Variants in TRPM3 observed in about 807,000 individuals in gnomAD.
The protein encoded by TRPM3 is transient receptor potential cation channel subfamily M member 3, also known as long transient receptor potential channel 3.
A neutral mutation model predicts 181.2 loss-of-function variants in TRPM3; 77 were observed. That is an observed-to-expected ratio of 0.42 (90% CI 0.35 to 0.51). The LOEUF is 0.51. TRPM3 is among the 20% of genes least tolerant of loss of function. The pLI, the probability that TRPM3 is intolerant of heterozygous loss-of-function variation, is 0.01. For synonymous variants in TRPM3, 745 were observed against 796.4 expected (o/e 0.94, Z 1.09); for missense variants, 1,759 against 2,196.7 (o/e 0.80, Z 3.98).
At chr9:71,387,345 A>G (rs1277522374) in intron 1 of TRPM3, among the ~76,000 whole-genome samples, 1 of 152,184 alleles carries the variant, frequency 6.6e-6, no homozygotes, top group African/African-American at 2.4e-5. Flanking sequence ...TTAATTTTAT[A>G]GCAGCAAATC....
intron 22 of TRPM3, among the ~76,000 whole-genome samples, chr9:70,565,291 T>A (rs1289069558): frequency 1.3e-5 from 2 of 152,180 alleles, no homozygotes; most frequent in Non-Finnish European, 2.9e-5. Context: ...TTTATCTGTT[T>A]TTATTTTTAT....
Position 71,225,522 on chromosome 9 carries a change from T to C in TRPM3, c.183+221131A>G, listed in dbSNP as rs572927187. Among the ~76,000 whole-genome samples the C allele has an allele frequency of 2.6e-5, 4 of 151,928 alleles. No individual in the cohort carries two copies. In the South Asian group the frequency reaches 6.2e-4, roughly 24 times the overall value. On this transcript the variant is annotated intron_variant, in intron 1 of 24. Transcript: ENST00000357533. Reference sequence around the variant, plus strand: ...GAAAGAAAAGGACACTAATGAGCAATAAGAAATCATCTGAATGTACAAAAC... The same window carrying C: ...GAAAGAAAAGGACACTAATGAGCAACAAGAAATCATCTGAATGTACAAAAC...
At chr9:70,590,797 A>G (rs2057985910) in intron 22 of TRPM3, among the ~76,000 whole-genome samples, 1 of 152,240 alleles carries the variant, frequency 6.6e-6, no homozygotes, top group African/African-American at 2.4e-5. Flanking sequence ...TTGGTATACC[A>G]GATGTCGATT....
rs370836341 is a variant in TRPM3 at position 70,620,291 on chromosome 9, A to G, written c.1914T>C (p.Asp638=). The G allele has an allele frequency of 6.2e-7, 1 of 1,614,070 alleles. No homozygotes were observed. Among genetic ancestry groups the G allele is most frequent in the Non-Finnish European group, 8.5e-7 (1 of 1,180,038 alleles). ...REEEVDIDLD[D]PEINHFPFPF... ...GGAAGGGGAAGTGGTTGATCTCAGGATCATCCAAGTCAATGTCCACCTCTT... is the reference window on the plus strand; with the variant it reads ...GGAAGGGGAAGTGGTTGATCTCAGGGTCATCCAAGTCAATGTCCACCTCTT... The change falls in exon 16 of 26, where the codon GAT becomes GAC. Residue 638 remains aspartate, a synonymous_variant. Coordinates refer to ENST00000677713, the MANE Select transcript of TRPM3 (RefSeq NM_001366145.2).
Position 71,366,153 on chromosome 9 carries a change from A to G in TRPM3, c.183+80500T>C, listed in dbSNP as rs2092328693. ...CATAGTAACACTCCAAAATAGTACA[A>G]GAGGTAACTTAAAAATTTGAGTTCA... On this transcript the variant is annotated intron_variant, in intron 1 of 24. Transcript: ENST00000357533. Among the ~76,000 whole-genome samples the G allele has an allele frequency of 2.6e-5, 4 of 152,312 alleles. No individual in the cohort carries two copies. In the South Asian group the frequency reaches 8.3e-4, roughly 32 times the overall value.
intron 1 of TRPM3, among the ~76,000 whole-genome samples, chr9:70,999,867 C>T (rs1020500056): frequency 3.3e-5 from 5 of 152,174 alleles, no homozygotes; most frequent in African/African-American, 1.2e-4. Flanking sequence ...TGAAACAATC[C>T]ACAGTGTGTT....
At chr9:70,769,903 G>A (rs1239784824) in intron 7 of TRPM3, among the ~76,000 whole-genome samples, 3 of 152,128 alleles carry the variant, frequency 2.0e-5, no homozygotes, top group African/African-American at 4.8e-5. Flanking sequence ...GCTTGCTTTA[G>A]GTGGGTGACC....
At chr9:71,166,207 G>A (rs904144551) in intron 1 of TRPM3, among the ~76,000 whole-genome samples, 1 of 152,118 alleles carries the variant, frequency 6.6e-6, no homozygotes, top group Admixed American at 6.6e-5. Flanking sequence ...CCACTCTGCA[G>A]GAGTCGGCAG....
intron 1 of TRPM3, among the ~76,000 whole-genome samples, chr9:71,235,645 T>C (rs912756416): frequency 2.0e-5 from 3 of 152,204 alleles, no homozygotes; most frequent in Admixed American, 6.5e-5. Flanking sequence ...TGATATAATT[T>C]CAGTAAATTG....
chr9:70,838,290 T>A (rs191840718), intron 5 of TRPM3, among the ~76,000 whole-genome samples: 4 of 152,250 alleles, frequency 2.6e-5, no homozygotes, highest in Admixed American at 2.6e-4. Flanking sequence ...ATGTTGAAAT[T>A]CAAATTTCCA....
chr9:70,686,849 A>C (rs1590364393), intron 8 of TRPM3, among the ~76,000 whole-genome samples: 1 of 119,312 alleles, frequency 8.4e-6, no homozygotes, highest in African/African-American at 3.3e-5. Flanking sequence ...TTTTTGAGAC[A>C]GGGTCTCACT....
chr9:71,357,152 TA>T (rs2091932944), intron 1 of TRPM3, among the ~76,000 whole-genome samples: 1 of 152,164 alleles, frequency 6.6e-6, no homozygotes, highest in African/African-American at 2.4e-5. Flanking sequence ...AAACAATTAT[TA>T]AAATAATGAA....
At chr9:70,747,162 G>A (rs900936659) in intron 8 of TRPM3, among the ~76,000 whole-genome samples, 1 of 152,286 alleles carries the variant, frequency 6.6e-6, no homozygotes, top group East Asian at 1.9e-4. Flanking sequence ...GAGTACAAGA[G>A]AAACATAGAA....
At chr9:70,934,686 C>CA (rs763624318) in intron 1 of TRPM3, among the ~76,000 whole-genome samples, 11 of 151,726 alleles carry the variant, frequency 7.2e-5, no homozygotes, top group Admixed American at 1.3e-4. Flanking sequence ...GCCATTATGG[C>CA]AAAAAAACAT....
At chr9:71,343,082 T>C (rs1444369797) in intron 1 of TRPM3, among the ~76,000 whole-genome samples, 3 of 152,020 alleles carry the variant, frequency 2.0e-5, no homozygotes, top group Non-Finnish European at 2.9e-5. Flanking sequence ...AGGTTTTCTA[T>C]AAGGGCTTAG....
rs142605562 is a variant in TRPM3 at position 71,332,565 on chromosome 9, CAAAA to C, written c.183+114084_183+114087del. On this transcript the variant is annotated intron_variant, in intron 1 of 24. Coordinates refer to the TRPM3 transcript ENST00000357533. ...TGCAGTAGATTCTACTCTGATGAACCAAAAAAAAACAAAAATGTGAAATCAGGAG... is the reference window on the plus strand; with the variant it reads ...TGCAGTAGATTCTACTCTGATGAACCAAAAACAAAAATGTGAAATCAGGAG... Among the ~76,000 whole-genome samples the C allele has an allele frequency of 1.3e-3, 192 of 146,492 alleles. 8 individuals carry two copies. Among genetic ancestry groups the C allele is most frequent in the Middle Eastern group, 3.5e-3 (1 of 282 alleles).
intron 1 of TRPM3, among the ~76,000 whole-genome samples, chr9:71,201,948 A>G (rs1169682153): frequency 1.3e-5 from 2 of 151,878 alleles, no homozygotes; most frequent in Non-Finnish European, 2.9e-5. Flanking sequence ...TTTTTTCCCC[A>G]TCTTTGTGGT....
At chr9:70,873,527 TG>T (rs1371318304) in intron 1 of TRPM3, among the ~76,000 whole-genome samples, 1 of 152,026 alleles carries the variant, frequency 6.6e-6, no homozygotes, top group Non-Finnish European at 1.5e-5. Flanking sequence ...ATTCCCCTCA[TG>T]AACCATGTTG....
intron 1 of TRPM3, among the ~76,000 whole-genome samples, chr9:70,942,996 G>A (rs539463255): frequency 6.6e-6 from 1 of 152,020 alleles, no homozygotes; most frequent in Non-Finnish European, 1.5e-5. Flanking sequence ...GGGTCCTGTG[G>A]TAAAATGGAA....
Sources: gnomAD v4.1 joint callset for allele counts (sites outside exome capture counted in the v4.1 genomes callset) on GRCh38, gnomAD v4.1.1 for gene constraint, MANE v1.5 for transcripts, NCBI Gene and HGNC (gene_info 2026-07-23, HGNC 2026-07-21) for gene names.